EPHA6: variants seen among roughly 807,000 people sequenced by gnomAD.
The protein encoded by EPHA6 is ephrin type-A receptor 6.
EPHA6 carries 50 observed loss-of-function variants against 112.0 expected under a neutral mutation model. The ratio of observed to expected loss-of-function variants is 0.45; its 90% CI spans 0.36 to 0.56. The LOEUF (loss-of-function observed/expected upper bound fraction) is 0.56. EPHA6 is among the 20% of genes least tolerant of loss of function. The probability of loss-of-function intolerance (pLI) is 0.00; values close to 1 mark genes in which losing one functional copy is unlikely to be tolerated. For synonymous variants in EPHA6, 529 were observed against 490.7 expected, an observed-to-expected ratio of 1.08 and a Z score of -1.03; for missense variants, 1,280 against 1,417.4, an observed-to-expected ratio of 0.90 and a Z score of 1.56.
intron 14 of EPHA6, among the ~76,000 whole-genome samples, chr3:97,653,584 A>C (rs889570188): frequency 6.6e-6 from 1 of 151,934 alleles, no homozygotes; most frequent in Non-Finnish European, 1.5e-5. Context: ...CTATCATGGA[A>C]AACAGTCTAG....
rs182264422 is a variant in EPHA6 at position 97,707,566 on chromosome 3, A to G, written c.2785-12695A>G. Among the ~76,000 whole-genome samples, 427 of 152,328 alleles carry G rather than the reference A, an allele frequency of 2.8e-3. 5 individuals are homozygous for G. The highest frequency in any genetic ancestry group is 2.3e-3 in the South Asian group (11 of 4,824). Reference sequence around the variant, plus strand: ...TGTTGGAATAATGGAATGAAGAATAAAGGTTTGTATAAATTTTCTCAACTA... The same window carrying G: ...TGTTGGAATAATGGAATGAAGAATAGAGGTTTGTATAAATTTTCTCAACTA... On this transcript the variant is annotated intron_variant, in intron 14 of 17. Transcript: ENST00000389672.
At chr3:96,958,673 TC>T (rs1426159377) in intron 2 of EPHA6, among the ~76,000 whole-genome samples, 1 of 152,174 alleles carries the variant, frequency 6.6e-6, no homozygotes, top group African/African-American at 2.4e-5. Context: ...TAATCTACTT[TC>T]TGTTTTTATA....
At chr3:97,689,477 T>C (rs1302746583) in intron 14 of EPHA6, among the ~76,000 whole-genome samples, 1 of 152,214 alleles carries the variant, frequency 6.6e-6, no homozygotes, top group Non-Finnish European at 1.5e-5. Context: ...TTGCCTGTAA[T>C]GCGGTAGGCA....
At chr3:97,740,468 C>T (rs974309867) in intron 16 of EPHA6, among the ~76,000 whole-genome samples, 2 of 152,080 alleles carry the variant, frequency 1.3e-5, no homozygotes, top group Non-Finnish European at 2.9e-5. Flanking sequence ...TAGGCCAAGA[C>T]ACCTTATGTA....
intron 1 of EPHA6, among the ~76,000 whole-genome samples, chr3:96,821,113 G>A (rs920458152): frequency 2.0e-5 from 3 of 151,974 alleles, no homozygotes; most frequent in African/African-American, 7.2e-5. Context: ...TGGGGATGGA[G>A]TGAGGGAAGA....
At chr3:97,659,955 C>T (rs959718348) in intron 14 of EPHA6, among the ~76,000 whole-genome samples, 2 of 151,872 alleles carry the variant, frequency 1.3e-5, no homozygotes, top group African/African-American at 4.8e-5. Flanking sequence ...CATTTTAGCA[C>T]CTAGTAGTAT....
chr3:97,288,353 T>C (rs1437250365), intron 5 of EPHA6, among the ~76,000 whole-genome samples: 1 of 152,228 alleles, frequency 6.6e-6, no homozygotes, highest in South Asian at 2.1e-4. Flanking sequence ...TTTCCTTTCC[T>C]GTGTAAATTC....
intron 3 of EPHA6, chr3:97,009,866 A>G: frequency 5.1e-6 from 2 of 393,908 alleles, no homozygotes; most frequent in South Asian, 3.8e-5. Flanking sequence ...GCTCTCAGGT[A>G]GGCCACCACA....
intron 5 of EPHA6, among the ~76,000 whole-genome samples, chr3:97,289,063 C>T (rs754615798): frequency 6.6e-6 from 1 of 150,834 alleles, no homozygotes; most frequent in African/African-American, 2.4e-5. Context: ...GTTACTTTTG[C>T]TCTGCAGACG....
chr3:97,338,069 T>A (rs2083140731), intron 5 of EPHA6, among the ~76,000 whole-genome samples: 1 of 152,070 alleles, frequency 6.6e-6, no homozygotes, highest in Non-Finnish European at 1.5e-5. Flanking sequence ...TGAAGAACTT[T>A]CAGATAATGG....
chr3:97,128,622 C>A (rs540130582), intron 3 of EPHA6, among the ~76,000 whole-genome samples: 7 of 152,132 alleles, frequency 4.6e-5, no homozygotes, highest in African/African-American at 1.4e-4. Flanking sequence ...GGGTTCGATT[C>A]TCATGTGTCA....
At chr3:97,481,020 C>T (rs1276894197) in intron 9 of EPHA6, among the ~76,000 whole-genome samples, 1 of 151,882 alleles carries the variant, frequency 6.6e-6, no homozygotes, top group Non-Finnish European at 1.5e-5. Flanking sequence ...GGGCTCCTCA[C>T]ATCCCAGATG....
At chr3:96,856,691 C>A (rs1401360780) in intron 1 of EPHA6, among the ~76,000 whole-genome samples, 1 of 152,066 alleles carries the variant, frequency 6.6e-6, no homozygotes, top group East Asian at 1.9e-4. Context: ...TGGGTAGATA[C>A]AATCATTCAT....
chr3:97,371,206 G>A (rs2085034069), intron 5 of EPHA6, among the ~76,000 whole-genome samples: 1 of 151,768 alleles, frequency 6.6e-6, no homozygotes, highest in Non-Finnish European at 1.5e-5. Flanking sequence ...CAAGCTTTAT[G>A]TTTTTAAATT....
intron 5 of EPHA6, among the ~76,000 whole-genome samples, chr3:97,359,461 T>A (rs1425113314): frequency 6.6e-6 from 1 of 151,936 alleles, no homozygotes; most frequent in Admixed American, 6.6e-5. Context: ...TGTTTTTTTT[T>A]TTTAATTCTC....
intron 3 of EPHA6, among the ~76,000 whole-genome samples, chr3:97,046,345 A>G (rs2045506385): frequency 6.6e-6 from 1 of 152,180 alleles, no homozygotes; most frequent in Non-Finnish European, 1.5e-5. Flanking sequence ...TAGATGCAGA[A>G]AATTCCTTTG....
At chr3:97,147,994 A>G (rs2076084275) in intron 3 of EPHA6, among the ~76,000 whole-genome samples, 1 of 152,154 alleles carries the variant, frequency 6.6e-6, no homozygotes, top group African/African-American at 2.4e-5. Context: ...TGAGGGGTAT[A>G]TAAGAACTCT....
intron 15 of EPHA6, among the ~76,000 whole-genome samples, chr3:97,730,737 C>T (rs1158242412): frequency 6.6e-6 from 1 of 152,134 alleles, no homozygotes; most frequent in African/African-American, 2.4e-5. Context: ...TCTCAAGCTT[C>T]TCTGAAAATT....
At chr3:97,528,195 A>G (rs2092649434) in intron 10 of EPHA6, among the ~76,000 whole-genome samples, 1 of 152,132 alleles carries the variant, frequency 6.6e-6, no homozygotes, top group Admixed American at 6.6e-5. Context: ...GTCTCATTTT[A>G]TCATGGTCTC....
Sources: allele counts gnomAD v4.1 joint callset (sites outside exome capture counted in the v4.1 genomes callset), GRCh38; gene constraint gnomAD v4.1.1; transcripts MANE v1.5; gene names NCBI Gene and HGNC (gene_info 2026-07-23, HGNC 2026-07-21).